PCDH19: variants seen among roughly 807,000 people sequenced by gnomAD.
PCDH19 encodes the protein protocadherin-19.
In PCDH19, 6 loss-of-function variants were observed where a neutral mutation model predicts 46.2. The observed-to-expected ratio is 0.13, with a 90% CI of 0.07 to 0.26. The LOEUF is 0.26. PCDH19 is among the 10% of genes least tolerant of loss of function. The pLI is 1.00. For synonymous variants in PCDH19, 481 were observed against 415.7 expected, an observed-to-expected ratio of 1.16 and a Z score of -1.91; for missense variants, 740 against 972.3, an observed-to-expected ratio of 0.76 and a Z score of 3.18.
chrX:100,365,930 A>C (rs1287405690), intron 3 of PCDH19, among the ~76,000 whole-genome samples: 2 of 112,109 alleles, frequency 1.8e-5, no homozygotes, highest in Non-Finnish European at 3.8e-5. Flanking sequence ...AGTCTTGTCA[A>C]CTAAATTTCT....
chrX:100,345,306 A>G (rs1398237401), intron 4 of PCDH19, among the ~76,000 whole-genome samples: 1 of 111,712 alleles, frequency 9.0e-6, no homozygotes, highest in Non-Finnish European at 1.9e-5. Flanking sequence ...GAACACTTCT[A>G]TATCTTCTGT....
chrX:100,354,307 T>C (rs1189871260), intron 3 of PCDH19, among the ~76,000 whole-genome samples: 1 of 111,991 alleles, frequency 8.9e-6, no homozygotes, highest in Non-Finnish European at 1.9e-5. Flanking sequence ...ATAGTTTGTA[T>C]GTCTTAAGCC....
chrX:100,340,059 A>T (rs914478057), intron 5 of PCDH19, among the ~76,000 whole-genome samples: 1 of 111,396 alleles, frequency 9.0e-6, no homozygotes, highest in East Asian at 2.8e-4. Context: ...TACAAGGCAA[A>T]CTGGGTTATG....
chrX:100,297,723 T>C (rs1402804384), intron 5 of PCDH19, among the ~76,000 whole-genome samples: 1 of 111,766 alleles, frequency 8.9e-6, no homozygotes, highest in Non-Finnish European at 1.9e-5. Context: ...TGGGCAGACA[T>C]AGATTTATCT....
At chrX:100,348,055 G>C (rs917628481) in intron 4 of PCDH19, among the ~76,000 whole-genome samples, 2 of 64,071 alleles carry the variant, frequency 3.1e-5, no homozygotes, top group Admixed American at 2.7e-4. Context: ...GACAGAGCAA[G>C]ATTCCGTCTC....
At chrX:100,360,768 A>G (rs1026451613) in intron 3 of PCDH19, among the ~76,000 whole-genome samples, 5 of 112,112 alleles carry the variant, frequency 4.5e-5, no homozygotes, top group African/African-American at 1.6e-4. Flanking sequence ...TCCAGTTTCT[A>G]GCAACTTAAA....
rs761718877 is a variant in PCDH19, at chrX:100,406,955, G to A, written c.1643C>T (p.Thr548Met). The change falls in exon 1 of 6, where the codon ACG becomes ATG. Residue 548 changes from threonine (T) to methionine (M), a missense_variant. By Grantham distance (81) the Thr-to-Met change is moderately conservative. This residue lies in a region of PCDH19 where 186 missense variants were observed against 319.9 expected (regional missense o/e 0.58). Coordinates refer to ENST00000373034, the MANE Select transcript of PCDH19 (RefSeq NM_001184880.2). ...GACGTCGAGGATGATGACCCGCACC[G>A]TAGCGTTGCTTTGCAGTGAGGGAAG... is the stretch of plus-strand genomic sequence containing the variant. Reference protein sequence around the residue: ...GGLPSLQSNATVRVIILDVND... With the variant: ...GGLPSLQSNAMVRVIILDVND... The A allele has an allele frequency of 2.5e-6, 3 of 1,211,806 alleles. No homozygotes were observed. The South Asian group carries it at 5.3e-5, about 21-fold the overall frequency.
rs954934099 is a variant in PCDH19, at chrX:100,294,998, G to A, written c.*1279C>T. ...AAAAGATGAGTTCAAGTGTCTGAGT[G>A]TCTCCGTTTAGAAGGCACAGTAATT... On this transcript the variant is annotated 3_prime_UTR_variant, in exon 6 of 6. Transcript: ENST00000373034. 8.9e-6 allele frequency: 1 copy of A among 112,418 alleles called. No individual in the cohort carries two copies. The highest frequency in any genetic ancestry group is 3.2e-5 in the African/African-American group (1 of 30,873). The allele number at this position is 112,418 out of a possible 1,213,427, so 9.3% of individuals were successfully genotyped here.
intron 3 of PCDH19, among the ~76,000 whole-genome samples, chrX:100,384,709 A>T (rs1452032279): frequency 8.9e-6 from 1 of 111,968 alleles, no homozygotes; most frequent in African/African-American, 3.3e-5. Context: ...TTCATGTAAT[A>T]CATCAATGAA....
chrX:100,338,066 C>T (rs977165063), intron 5 of PCDH19, among the ~76,000 whole-genome samples: 13 of 111,587 alleles, frequency 1.2e-4, no homozygotes, highest in African/African-American at 2.9e-4. Context: ...CTAGGCCAGG[C>T]GCGGTGGCTC....
intron 3 of PCDH19, among the ~76,000 whole-genome samples, chrX:100,376,894 A>G (rs897508366): frequency 8.9e-6 from 1 of 112,560 alleles, no homozygotes; most frequent in East Asian, 2.8e-4. Flanking sequence ...CAATAAAATC[A>G]CAACTGGTAA....
At chrX:100,339,945 AATC>A (rs1340530803) in intron 5 of PCDH19, among the ~76,000 whole-genome samples, 6 of 111,835 alleles carry the variant, frequency 5.4e-5, no homozygotes, top group Admixed American at 1.9e-4. Context: ...GTGTGTGTAA[AATC>A]ATCATCTTAT....
chrX:100,348,816 T>C (rs745993761), intron 4 of PCDH19, among the ~76,000 whole-genome samples: 2 of 112,076 alleles, frequency 1.8e-5, no homozygotes, highest in African/African-American at 6.5e-5. Flanking sequence ...ACCTTGTAAA[T>C]TGGATAGTCA....
chrX:100,317,087 A>T (rs1293799410), intron 5 of PCDH19, among the ~76,000 whole-genome samples: 1 of 111,675 alleles, frequency 9.0e-6, no homozygotes, highest in African/African-American at 3.3e-5. Flanking sequence ...GCTATAATAC[A>T]GTATAATTAA....
chrX:100,378,799 C>T (rs746936266), intron 3 of PCDH19, among the ~76,000 whole-genome samples: 1 of 112,434 alleles, frequency 8.9e-6, no homozygotes, highest in Non-Finnish European at 1.9e-5. Flanking sequence ...TCACTCCCTG[C>T]AGCTGGGCCA....
intron 3 of PCDH19, among the ~76,000 whole-genome samples, chrX:100,402,184 A>G (rs929887492): frequency 8.9e-6 from 1 of 111,929 alleles, no homozygotes; most frequent in African/African-American, 3.2e-5. Context: ...GACTCTTTCT[A>G]AGCCACTTTA....
chrX:100,296,748 C>A lies in PCDH19; in HGVS notation c.2976G>T (p.Ala992=), dbSNP rs772345040. The A allele has an allele frequency of 8.3e-7, 1 of 1,209,158 alleles. No homozygotes were observed. The highest frequency in any genetic ancestry group is 1.1e-6 in the Non-Finnish European group (1 of 894,838). ...CAGCAGCAGTAGCTTCAATAGACAGCGCGATGATGTTCCTCACATGCTCAG... is the reference window on the plus strand; with the variant it reads ...CAGCAGCAGTAGCTTCAATAGACAGAGCGATGATGTTCCTCACATGCTCAG... ...KSPEHVRNII[A]LSIEATAADV... Residue 992 remains alanine, a synonymous_variant, in exon 6 of 6, where the codon GCG becomes GCT. Coordinates refer to ENST00000373034, the MANE Select transcript of PCDH19 (RefSeq NM_001184880.2).
chrX:100,320,119 G>C (rs2147465502), intron 5 of PCDH19, among the ~76,000 whole-genome samples: 1 of 111,763 alleles, frequency 8.9e-6, no homozygotes, highest in Non-Finnish European at 1.9e-5. Flanking sequence ...GATTATTACA[G>C]CCCAAAGCCC....
chrX:100,381,158 T>C (rs755149494), intron 3 of PCDH19, among the ~76,000 whole-genome samples: 7 of 112,207 alleles, frequency 6.2e-5, no homozygotes, highest in Non-Finnish European at 1.3e-4. Flanking sequence ...CAAAGATAAA[T>C]ATTAGTTGTA....
Sources: allele counts gnomAD v4.1 joint callset (sites outside exome capture counted in the v4.1 genomes callset), GRCh38; gene constraint gnomAD v4.1.1; regional missense constraint gnomAD v4.1.1; transcripts MANE v1.5; gene names NCBI Gene and HGNC (gene_info 2026-07-23, HGNC 2026-07-21).